The following SELP variants were observed in gnomAD, a reference collection of about 807,000 sequenced individuals.
SELP encodes selectin P.
Under a neutral mutation model 104.1 loss-of-function variants are expected in SELP, and 92 were observed. That is an observed-to-expected ratio of 0.88 (90% CI 0.75 to 1.05). SELP has a LOEUF of 1.05. SELP is among the 50% of genes least tolerant of loss of function. SELP has a pLI of 0.00. For missense variants in SELP, 1,022 were observed against 1,017.3 expected, an observed-to-expected ratio of 1.00 and a Z score of -0.06; for synonymous variants, 397 against 364.5, an observed-to-expected ratio of 1.09 and a Z score of -1.01.
chr1:169,624,842 A>C (rs1383922002), intron 1 of SELP, among the ~76,000 whole-genome samples: 1 of 152,212 alleles, frequency 6.6e-6, no homozygotes, highest in Non-Finnish European at 1.5e-5. Context: ...CTAACTTTTC[A>C]CACAAGGAGG....
chr1:169,598,805 T>C (rs886642534), intron 10 of SELP, among the ~76,000 whole-genome samples: 2 of 152,306 alleles, frequency 1.3e-5, no homozygotes, highest in East Asian at 3.9e-4. Context: ...GTTCTACAAA[T>C]ACTTATGAAT....
At chr1:169,611,203 A>G (rs766872777) in intron 7 of SELP, among the ~76,000 whole-genome samples, 1 of 152,184 alleles carries the variant, frequency 6.6e-6, no homozygotes, top group Non-Finnish European at 1.5e-5. Flanking sequence ...CCTCTCAAGT[A>G]TAGGACATGG....
chr1:169,599,481 T>C (rs3917788), intron 10 of SELP, among the ~76,000 whole-genome samples: 10,274 of 152,274 alleles, frequency 0.067, 460 homozygotes, highest in Middle Eastern at 0.12. Flanking sequence ...TGGGTATTCA[T>C]TGGTGTTCTT....
chr1:169,589,511 T>C (rs1661241783), intron 16 of SELP, 50 bp from the exon 17 acceptor site: 1 of 152,178 alleles, frequency 6.6e-6, no homozygotes, highest in African/African-American at 2.4e-5. Context: ...AAACTTGATG[T>C]TCACAACAGG....
intron 1 of SELP, among the ~76,000 whole-genome samples, chr1:169,625,307 GTCT>G (rs956619713): frequency 1.2e-4 from 19 of 152,126 alleles, no homozygotes; most frequent in African/African-American, 3.6e-4. Flanking sequence ...ACTTTTCTGA[GTCT>G]TCTTCTGAAT....
Position 169,617,379 on chromosome 1 carries a change from A to G in SELP, c.130T>C (p.Tyr44His). ...GAGTATGCTTTTGTGCTGTAATGAT[A>G]AGTCCATGCTGCCACTTCTTTCTGG... Reference protein sequence around the residue: ...TNQKEVAAWTYHYSTKAYSWN... With the variant: ...TNQKEVAAWTHHYSTKAYSWN... The change falls in exon 3 of 17, where the codon TAT becomes CAT. Residue 44 changes from tyrosine to histidine, a missense_variant. Tyr to His is a moderately conservative substitution (Grantham distance 83, BLOSUM62 2). Transcript: ENST00000263686. 1 of 1,614,048 alleles carries G rather than the reference A, an allele frequency of 6.2e-7. No individual in the cohort carries two copies. The highest frequency in any genetic ancestry group is 8.5e-7 in the Non-Finnish European group (1 of 1,179,974).
rs1266699610 is a variant in SELP at position 169,612,298 on chromosome 1, C to G, written c.880G>C (p.Glu294Gln). 2.5e-6 allele frequency: 4 copies of G among 1,614,152 alleles called. No individual in the cohort carries two copies. The highest frequency in any genetic ancestry group is 3.4e-6 in the Non-Finnish European group (4 of 1,180,020). ...TCCGGTCCAACTAATGCAAATCCCT[C>G]TTCACAACTGAAGCTGCAGCTAGAC... Reference protein sequence around the residue: ...HQSSCSFSCEEGFALVGPEVV... With the variant: ...HQSSCSFSCEQGFALVGPEVV... Residue 294 changes from glutamate (E) to glutamine (Q), a missense_variant, in exon 6 of 17, where the codon GAG (glutamate) becomes CAG (glutamine). Transcript: ENST00000263686.
chr1:169,611,395 T>A, intron 7 of SELP, 97 bp downstream of exon 7: 1 of 1,271,422 alleles, frequency 7.9e-7, no homozygotes, highest in Non-Finnish European at 1.1e-6. Context: ...GTGCAAGAAC[T>A]TAGAAGAGAT....
chr1:169,594,980 G>T, intron 12 of SELP, 103 bp from the exon 13 acceptor site: 2 of 1,046,914 alleles, frequency 1.9e-6, no homozygotes, highest in Non-Finnish European at 2.8e-6. Context: ...GAGGCAGAAT[G>T]TAAAAGGTCA....
At chr1:169,606,054 C>A (rs2101891878) in intron 9 of SELP, among the ~76,000 whole-genome samples, 1 of 152,322 alleles carries the variant, frequency 6.6e-6, no homozygotes, top group East Asian at 1.9e-4. Flanking sequence ...CAGTGGCTCA[C>A]ACCTGTAATA....
chr1:169,603,187 C>T lies in SELP; in HGVS notation c.1544G>A (p.Ser515Asn), dbSNP rs750336538. The T allele has an allele frequency of 4.3e-6, 7 of 1,613,564 alleles. No individual in the cohort carries two copies. Among genetic ancestry groups the T allele is most frequent in the South Asian group, 2.2e-5 (2 of 91,022 alleles). ...ACAGGTCATTGTTCCATTCTGAGGG[C>T]TTAGCAAAGGTGTGCAGGGAATGGC... is the stretch of plus-strand genomic sequence containing the variant. ...CQAIPCTPLLSPQNGTMTCVQ... is the reference protein window; with the variant it reads ...CQAIPCTPLLNPQNGTMTCVQ... The change falls in exon 10 of 17, where the codon AGC becomes AAC. Residue 515 changes from serine (S) to asparagine (N), a missense_variant. Physicochemically the swap from Ser to Asn is conservative, Grantham distance 46. Transcript: ENST00000263686.
chr1:169,612,938 G>T lies in SELP; in HGVS notation c.766C>A (p.Gln256Lys). The T allele has an allele frequency of 6.2e-7, 1 of 1,610,960 alleles. No individual in the cohort carries two copies. Among genetic ancestry groups the T allele is most frequent in the Admixed American group, 1.7e-5 (1 of 59,668 alleles). ...AATAAGGTCTACATACCTAAACACT[G>T]TGGAGGCTTATTTGTCCAGATTCCA... ...ASGIWTNKPPQCLAAQCPPLK... is the reference protein window; with the variant it reads ...ASGIWTNKPPKCLAAQCPPLK... Residue 256 changes from glutamine (Q) to lysine (K), a missense_variant, in exon 5 of 17, where the codon CAG becomes AAG. Gln to Lys is a moderately conservative substitution (Grantham distance 53). Transcript: ENST00000263686.
chr1:169,613,210 A>T (rs747070357), intron 4 of SELP, 96 bp from the exon 5 acceptor site: 1 of 1,190,502 alleles, frequency 8.4e-7, no homozygotes, highest in Admixed American at 2.9e-5. Context: ...AACCCTCTTA[A>T]CTCTAATTTT....
rs193295768 is a variant in SELP, at chr1:169,596,362, A to G, written c.1892-228T>C. On this transcript the variant is annotated intron_variant, in intron 11 of 16. Transcript: ENST00000263686. ...GGAGATGATTCTCCTGGCCAAGAGA[A>G]GAAATCAGAGGAGTCATTGTTGTTG... 2.8e-3 allele frequency among the ~76,000 whole-genome samples: 434 copies of G among 152,352 alleles called. 3 individuals are homozygous for G. Among genetic ancestry groups the G allele is most frequent in the Admixed American group, 5.6e-3 (85 of 15,304 alleles).
intron 1 of SELP, among the ~76,000 whole-genome samples, chr1:169,622,705 C>A (rs1037317072): frequency 2.6e-5 from 4 of 152,076 alleles, no homozygotes; most frequent in African/African-American, 9.7e-5. Flanking sequence ...TAGAGACTTA[C>A]AGTTGTAGAA....
rs529496776 is a variant in SELP at position 169,601,313 on chromosome 1, C to T, written c.1705+1713G>A. Among the ~76,000 whole-genome samples, 4 of 152,174 alleles carry T rather than the reference C, an allele frequency of 2.6e-5. No homozygotes were observed. In the East Asian group the frequency reaches 7.7e-4, roughly 29 times the overall value. On this transcript the variant is annotated intron_variant, in intron 10 of 16. Coordinates refer to ENST00000263686, the MANE Select transcript of SELP (RefSeq NM_003005.4). Reference sequence around the variant, plus strand: ...GTCTTTCACCCTACAGAATTCTTGACCAGGGAAGCGACCTCAAAGATGGTC... The same window carrying T: ...GTCTTTCACCCTACAGAATTCTTGATCAGGGAAGCGACCTCAAAGATGGTC...
Position 169,609,674 on chromosome 1 carries a change from G to T in SELP, c.1163C>A (p.Pro388Gln). ...LPTCEAISCE[P>Q]LESPVHGSMD... ...GCTTCCGTGGACAGGACTCTCCAGCGGCTCACACGAAATAGCTAAGTGGAA... is the reference window on the plus strand; with the variant it reads ...GCTTCCGTGGACAGGACTCTCCAGCTGCTCACACGAAATAGCTAAGTGGAA... The change falls in exon 8 of 17, where the codon CCG (proline) becomes CAG (glutamine). Residue 388 changes from proline (P) to glutamine (Q), a missense_variant. Transcript: ENST00000263686. 6.2e-7 allele frequency: 1 copy of T among 1,611,506 alleles called. No individual in the cohort carries two copies. Among genetic ancestry groups the T allele is most frequent in the Non-Finnish European group, 8.5e-7 (1 of 1,178,808 alleles).
intron 1 of SELP, among the ~76,000 whole-genome samples, chr1:169,624,923 C>T (rs979314693): frequency 2.0e-5 from 3 of 152,272 alleles, no homozygotes; most frequent in South Asian, 2.1e-4. Context: ...AAGAATAGTG[C>T]CACAGAAAGG....
chr1:169,590,228 C>A, intron 15 of SELP, 26 bp from the exon 16 acceptor site: 3 of 1,560,308 alleles, frequency 1.9e-6, no homozygotes, highest in Admixed American at 1.7e-5. Context: ...ACAAGGATGG[C>A]AACAATATAC....
Sources: gnomAD v4.1 joint callset for allele counts (sites outside exome capture counted in the v4.1 genomes callset) on GRCh38, gnomAD v4.1.1 for gene constraint, MANE v1.5 for transcripts, NCBI Gene and HGNC (gene_info 2026-07-23, HGNC 2026-07-21) for gene names.